The following TRIM37 variants were observed in gnomAD, a reference collection of about 807,000 sequenced individuals.
The protein encoded by TRIM37 is tripartite motif containing 37.
Under a neutral mutation model 129.8 loss-of-function variants are expected in TRIM37, and 80 were observed. The observed-to-expected ratio is 0.62, with a 90% confidence interval of 0.51 to 0.74. TRIM37 has a LOEUF of 0.74. Ranked by LOEUF, TRIM37 falls within the 30% of genes least tolerant of loss-of-function variation. The pLI is 0.00. For synonymous variants in TRIM37, 389 were observed against 387.1 expected, an observed-to-expected ratio of 1.00 and a Z score of -0.06; for missense variants, 1,054 against 1,176.5, an observed-to-expected ratio of 0.90 and a Z score of 1.52.
chr17:59,026,612 A>G (rs908294051), intron 19 of TRIM37, among the ~76,000 whole-genome samples: 2 of 152,226 alleles, frequency 1.3e-5, no homozygotes, highest in African/African-American at 4.8e-5. Context: ...TTCACAGATG[A>G]AAGACATTGG....
chr17:59,056,835 C>G (rs761338949), intron 13 of TRIM37, 40 bp downstream of exon 13: 8 of 1,464,438 alleles, frequency 5.5e-6, no homozygotes, highest in Non-Finnish European at 6.5e-6. Context: ...GATATTATTT[C>G]CCCACAATAA....
rs1374212380 is a variant in TRIM37, at chr17:59,015,755, G to A, written c.2431C>T (p.Arg811Ter). The change falls in exon 21 of 24, where the codon CGA becomes TGA. Residue 811 changes from arginine to a stop codon, truncating the protein, a stop_gained. Coordinates refer to ENST00000262294, the MANE Select transcript of TRIM37 (RefSeq NM_015294.6). LOFTEE classifies it high-confidence loss of function. ...SQSGSRHSSPRALIHGSIGDI... is the reference protein window; with the variant it reads ...SQSGSRHSSP ...CCGATACTGCCATGTATCAAGGCTC[G>A]GGGAGAACTGTGCCTGCTCCCAGAC... is the stretch of plus-strand genomic sequence containing the variant. 1.4e-5 allele frequency: 22 copies of A among 1,613,822 alleles called. No homozygotes were observed. The highest frequency in any genetic ancestry group is 2.2e-5 in the East Asian group (1 of 44,872).
chr17:59,035,496 G>A (rs2038361407), intron 17 of TRIM37, among the ~76,000 whole-genome samples: 1 of 151,740 alleles, frequency 6.6e-6, no homozygotes, highest in Non-Finnish European at 1.5e-5. Context: ...GTTCACGCCT[G>A]TAATCCCAGC....
In TRIM37 at chr17:59,106,855, G is replaced by A. The variant is rs895360835; in HGVS notation, c.-394C>T. ...AACACCAACCGTAACCAGAGCAGCT[G>A]GGGGCGCGGCGGCGAGAGAAGCTGC... is the stretch of plus-strand genomic sequence containing the variant. On this transcript the variant is annotated 5_prime_UTR_variant, in exon 1 of 24. Transcript: ENST00000262294. The A allele has an allele frequency of 2.9e-6, 1 of 347,970 alleles. No individual in the cohort carries two copies. The highest frequency in any genetic ancestry group is 3.3e-5 in the South Asian group (1 of 30,040). 21.6% of individuals were successfully genotyped at this position (347,970 alleles called of 1,614,324 possible). A position where few individuals can be genotyped will look rare whatever the true frequency, so the allele number is the denominator to read the frequency against.
intron 13 of TRIM37, among the ~76,000 whole-genome samples, chr17:59,054,291 C>T (rs1241735037): frequency 6.6e-6 from 1 of 151,968 alleles, no homozygotes; most frequent in Non-Finnish European, 1.5e-5. Flanking sequence ...TACCCAAAAA[C>T]CTTTTTTTGT....
At chr17:59,005,743 CAT>C (rs1259039979) in intron 22 of TRIM37, among the ~76,000 whole-genome samples, 6 of 152,206 alleles carry the variant, frequency 3.9e-5, no homozygotes, top group Admixed American at 6.5e-5. Flanking sequence ...TGCAGAATCA[CAT>C]GTTAATAAAA....
chr17:59,025,116 TTGG>T (rs1201253019), intron 19 of TRIM37, among the ~76,000 whole-genome samples: 1 of 152,202 alleles, frequency 6.6e-6, no homozygotes, highest in African/African-American at 2.4e-5. Context: ...AGAACCATGT[TTGG>T]GAATCTGGTC....
intron 8 of TRIM37, 82 bp downstream of exon 8, chr17:59,075,563 CAA>C (rs34467573): frequency 0.04 from 19,467 of 484,282 alleles, 15 homozygotes; most frequent in East Asian, 0.05. Context: ...GACTCCATCT[CAA>C]AAAAAAAAAA....
At chr17:59,091,507 TATCA>T (rs1382263553) in intron 2 of TRIM37, among the ~76,000 whole-genome samples, 167 bp from the exon 3 acceptor site, 6 of 98,470 alleles carry the variant, frequency 6.1e-5, no homozygotes, top group African/African-American at 1.6e-4. Context: ...TTATATAACA[TATCA>T]TATATATATA....
intron 24 of TRIM37, among the ~76,000 whole-genome samples, chr17:58,986,504 CTTTTT>C (rs530928011): frequency 2.4e-5 from 3 of 124,982 alleles, no homozygotes; most frequent in Admixed American, 8.5e-5. Context: ...TTCCATCTGT[CTTTTT>C]TTTTTTTTTT....
chr17:58,979,182 C>T (rs1246988102), downstream of TRIM37, among the ~76,000 whole-genome samples: 1 of 152,088 alleles, frequency 6.6e-6, no homozygotes, highest in African/African-American at 2.4e-5. Flanking sequence ...TGCACAATAA[C>T]AATAAAGACA....
chr17:59,000,426 CCT>C (rs1401981315), intron 23 of TRIM37, among the ~76,000 whole-genome samples: 5 of 151,938 alleles, frequency 3.3e-5, no homozygotes, highest in African/African-American at 1.2e-4. Flanking sequence ...ATGGTGAAAC[CCT>C]GTCTCTACTA....
chr17:59,098,904 C>T (rs1235363672), intron 2 of TRIM37, among the ~76,000 whole-genome samples: 1 of 151,978 alleles, frequency 6.6e-6, no homozygotes, highest in Non-Finnish European at 1.5e-5. Context: ...GATAAATAGG[C>T]TAGGCGCGGT....
chr17:59,071,032 G>A, intron 8 of TRIM37, 85 bp from the exon 9 acceptor site: 1 of 1,468,152 alleles, frequency 6.8e-7, no homozygotes, highest in East Asian at 2.3e-5. Flanking sequence ...AAATTATTCT[G>A]ATTATAAACT....
chr17:59,004,191 T>G (rs1287131140), intron 22 of TRIM37, among the ~76,000 whole-genome samples: 1 of 151,786 alleles, frequency 6.6e-6, no homozygotes, highest in East Asian at 1.9e-4. Context: ...GCCATAGAGA[T>G]AGCAAAAATA....
chr17:59,049,208 ATCT>A lies in TRIM37; in HGVS notation c.1497_1499del (p.Glu499del), dbSNP rs1568090790. 2.5e-6 allele frequency: 4 copies of A among 1,614,042 alleles called. No individual in the cohort carries two copies. The South Asian group carries it at 3.3e-5, about 13-fold the overall frequency. ...AATCTTCATTCTGAATCTTCTCCTC[ATCT>A]TCTTCATCCTCTTTGGCCTCTCTTA... On this transcript the variant is annotated inframe_deletion, in exon 15 of 24. Coordinates refer to ENST00000262294, the MANE Select transcript of TRIM37 (RefSeq NM_015294.6).
intron 19 of TRIM37, among the ~76,000 whole-genome samples, chr17:59,024,684 G>T (rs560401791): frequency 6.6e-6 from 1 of 152,146 alleles, no homozygotes; most frequent in Admixed American, 6.5e-5. Flanking sequence ...ATACCACCAT[G>T]ACTGGCTTAT....
intron 22 of TRIM37, among the ~76,000 whole-genome samples, chr17:59,005,688 T>G (rs1383438227): frequency 2.0e-5 from 3 of 152,206 alleles, no homozygotes; most frequent in African/African-American, 4.8e-5. Flanking sequence ...CTGGGTAGTA[T>G]GTGAATAATG....
chr17:59,071,043 GA>G (rs1273791339), intron 8 of TRIM37, 96 bp from the exon 9 acceptor site: 142 of 1,385,926 alleles, frequency 1.0e-4, no homozygotes, highest in South Asian at 1.3e-4. Context: ...ATTATAAACT[GA>G]AAAAAATGAT....
Sources: gnomAD v4.1 joint callset for allele counts (sites outside exome capture counted in the v4.1 genomes callset) on GRCh38, gnomAD v4.1.1 for gene constraint, MANE v1.5 for transcripts, NCBI Gene and HGNC (gene_info 2026-07-23, HGNC 2026-07-21) for gene names.